Variants in ZBTB20 observed in about 807,000 individuals in gnomAD.
ZBTB20 encodes the protein zinc finger and BTB domain containing 20.
ZBTB20 carries 9 observed loss-of-function variants against 56.9 expected under a neutral mutation model. That is an observed-to-expected ratio of 0.16 (90% CI 0.10 to 0.28). ZBTB20 has a LOEUF of 0.28. Ranked by LOEUF, ZBTB20 falls within the 10% of genes least tolerant of loss-of-function variation. The pLI, the probability that ZBTB20 is intolerant of heterozygous loss-of-function variation, is 1.00. For synonymous variants in ZBTB20, 417 were observed against 420.7 expected (o/e 0.99, Z 0.11); for missense variants, 655 against 1,003.0 (o/e 0.65, Z 4.69).
intron 4 of ZBTB20, among the ~76,000 whole-genome samples, chr3:114,839,929 C>A (rs529531794): frequency 6.6e-6 from 1 of 152,310 alleles, no homozygotes; most frequent in East Asian, 1.9e-4. Flanking sequence ...TGATTTCAGA[C>A]TTCTGGCTTC....
intron 5 of ZBTB20, among the ~76,000 whole-genome samples, chr3:114,765,682 G>A (rs962008832): frequency 1.3e-5 from 2 of 152,152 alleles, no homozygotes; most frequent in African/African-American, 4.8e-5. Context: ...AAATCATCAT[G>A]TAAAGACTAA....
intron 5 of ZBTB20, among the ~76,000 whole-genome samples, chr3:114,781,306 T>C (rs2108774546): frequency 6.6e-6 from 1 of 152,290 alleles, no homozygotes; most frequent in Middle Eastern, 3.4e-3. Context: ...TGGAATGCCA[T>C]AAATTTACAT....
chr3:114,712,612 C>A (rs2064168596), intron 5 of ZBTB20, among the ~76,000 whole-genome samples: 1 of 149,240 alleles, frequency 6.7e-6, no homozygotes, highest in Non-Finnish European at 1.5e-5. Flanking sequence ...GAGATCGTGC[C>A]ATTGCACTCC....
intron 4 of ZBTB20, among the ~76,000 whole-genome samples, chr3:114,866,421 G>A (rs571732642): frequency 1.2e-4 from 19 of 152,138 alleles, no homozygotes; most frequent in Non-Finnish European, 2.6e-4. Flanking sequence ...TACTTCATGG[G>A]GTTTGGGGTT....
intron 4 of ZBTB20, among the ~76,000 whole-genome samples, chr3:114,893,382 A>T (rs2076892804): frequency 2.0e-5 from 3 of 152,356 alleles, no homozygotes; most frequent in Middle Eastern, 6.8e-3. Context: ...GGTGGAAAAA[A>T]ATCTTTAAAT....
intron 1 of ZBTB20, among the ~76,000 whole-genome samples, chr3:115,140,860 T>C (rs564284116): frequency 7.2e-5 from 11 of 152,224 alleles, no homozygotes; most frequent in Admixed American, 7.2e-4. Flanking sequence ...CACTCAACTC[T>C]CTAAACTGTG....
At chr3:114,679,235 T>C (rs538531706) in intron 6 of ZBTB20, among the ~76,000 whole-genome samples, 13 of 152,288 alleles carry the variant, frequency 8.5e-5, no homozygotes, top group African/African-American at 3.1e-4. Flanking sequence ...AAAGACTTCA[T>C]GACTAAAACA....
intron 7 of ZBTB20, among the ~76,000 whole-genome samples, chr3:114,417,496 A>AGG (rs1379397385): frequency 6.6e-6 from 1 of 152,108 alleles, no homozygotes; most frequent in Non-Finnish European, 1.5e-5. Context: ...AATTGGCAAA[A>AGG]GAAAGTGCTT....
intron 2 of ZBTB20, among the ~76,000 whole-genome samples, chr3:115,058,363 C>T (rs1276111477): frequency 6.6e-6 from 1 of 152,092 alleles, no homozygotes; most frequent in African/African-American, 2.4e-5. Flanking sequence ...GATGCCATTT[C>T]CTTCATTTTT....
At chr3:114,766,489 A>ATGTGTGTGTGTGTGTGTGTG (rs71297433) in intron 5 of ZBTB20, among the ~76,000 whole-genome samples, 2 of 138,996 alleles carry the variant, frequency 1.4e-5, no homozygotes, top group East Asian at 2.1e-4. Flanking sequence ...TGGGATGGAA[A>ATGTGTGTGTGTGTGTGTGTG]TGTGTGTGTG....
intron 6 of ZBTB20, among the ~76,000 whole-genome samples, chr3:114,593,988 C>T (rs1323562162): frequency 1.3e-5 from 2 of 152,140 alleles, no homozygotes; most frequent in African/African-American, 4.8e-5. Context: ...ATGTGCCTTC[C>T]TTGCTGAGTT....
intron 6 of ZBTB20, among the ~76,000 whole-genome samples, chr3:114,555,319 G>T (rs1473298533): frequency 6.6e-6 from 1 of 152,054 alleles, no homozygotes; most frequent in African/African-American, 2.4e-5. Flanking sequence ...GTGTAAATGG[G>T]ATGTTTACTG....
At chr3:115,112,173 AT>A (rs1460107397) in intron 1 of ZBTB20, among the ~76,000 whole-genome samples, 1 of 151,894 alleles carries the variant, frequency 6.6e-6, no homozygotes, top group African/African-American at 2.4e-5. Context: ...TTTACCTTTT[AT>A]TTTTTAAATG....
intron 2 of ZBTB20, among the ~76,000 whole-genome samples, chr3:115,019,651 G>C (rs946865373): frequency 1.3e-5 from 2 of 151,240 alleles, no homozygotes; most frequent in African/African-American, 2.4e-5. Flanking sequence ...TTAATGGACT[G>C]AGGGTGGAAA....
At chr3:114,415,453 A>G (rs1361670984) in intron 7 of ZBTB20, among the ~76,000 whole-genome samples, 1 of 152,070 alleles carries the variant, frequency 6.6e-6, no homozygotes, top group Non-Finnish European at 1.5e-5. Context: ...GTCTAGGCCT[A>G]AATGCCTTCA....
intron 1 of ZBTB20, among the ~76,000 whole-genome samples, chr3:115,117,372 C>T (rs1429698026): frequency 6.6e-6 from 1 of 152,102 alleles, no homozygotes; most frequent in Non-Finnish European, 1.5e-5. Context: ...TTCTGTGTAA[C>T]CTATACCACT....
chr3:114,477,221 T>C (rs145896913), intron 7 of ZBTB20, among the ~76,000 whole-genome samples: 1 of 152,356 alleles, frequency 6.6e-6, no homozygotes, highest in African/African-American at 2.4e-5. Context: ...ATTTCAAAGA[T>C]ACGACCACTG....
intron 4 of ZBTB20, among the ~76,000 whole-genome samples, chr3:114,837,681 CA>C (rs1006546452): frequency 6.6e-6 from 1 of 152,086 alleles, no homozygotes; most frequent in Non-Finnish European, 1.5e-5. Context: ...AGAAAAACCA[CA>C]AGCTTTTTAA....
chr3:114,405,402 TCA>T (rs1450205108), intron 7 of ZBTB20, among the ~76,000 whole-genome samples: 1 of 152,030 alleles, frequency 6.6e-6, no homozygotes, highest in Non-Finnish European at 1.5e-5. Context: ...TCCAAATCTC[TCA>T]GTTAGAGGAT....
Sources: allele counts gnomAD v4.1 joint callset (sites outside exome capture counted in the v4.1 genomes callset), GRCh38; gene constraint gnomAD v4.1.1; transcripts MANE v1.5; gene names NCBI Gene and HGNC (gene_info 2026-07-23, HGNC 2026-07-21).